The following IRAK4 variants were observed in gnomAD, a reference collection of about 807,000 sequenced individuals.
The protein encoded by IRAK4 is interleukin-1 receptor-associated kinase 4.
Under a neutral mutation model 51.8 loss-of-function variants are expected in IRAK4, and 44 were observed. The ratio of observed to expected loss-of-function variants is 0.85; its 90% CI spans 0.67 to 1.09. The LOEUF (loss-of-function observed/expected upper bound fraction) is 1.09, where lower values mean the gene tolerates loss of function less well. Among genes scored for constraint, IRAK4 ranks in the 50% least tolerant of loss-of-function variants. The pLI, the probability that IRAK4 is intolerant of heterozygous loss-of-function variation, is 0.00. For synonymous variants in IRAK4, 149 were observed against 174.1 expected (o/e 0.86, Z 1.13); for missense variants, 487 against 538.0 (o/e 0.91, Z 0.94).
rs533397571 is a variant in IRAK4 at position 43,773,584 on chromosome 12, T to C, written c.652-381T>C. ...CCTAAAAATATCAATAGAATGCATA[T>C]GTATGTGATAAAGATAGTCACTCTT... On this transcript the variant is annotated intron_variant, in intron 5 of 11. Transcript: ENST00000613694. Among the ~76,000 whole-genome samples the C allele has an allele frequency of 5.3e-5, 8 of 152,332 alleles. No individual in the cohort carries two copies. In the East Asian group the frequency reaches 1.5e-3, roughly 29 times the overall value.
intron 8 of IRAK4, among the ~76,000 whole-genome samples, chr12:43,782,054 TTCC>T (rs1565683234): frequency 7.4e-6 from 1 of 134,616 alleles, no homozygotes; most frequent in Non-Finnish European, 1.7e-5. Context: ...CCTAAATGTT[TTCC>T]TCAAGAAACA....
intron 8 of IRAK4, 112 bp from the exon 9 acceptor site, chr12:43,782,195 T>C: frequency 2.8e-6 from 2 of 719,324 alleles, no homozygotes; most frequent in Admixed American, 2.1e-5. Context: ...TACATATGCA[T>C]GTATGCATAT....
Position 43,787,009 on chromosome 12 carries a change from C to G in IRAK4, c.*294C>G. The G allele has an allele frequency of 2.4e-6, 1 of 416,264 alleles. No individual in the cohort carries two copies. Among genetic ancestry groups the G allele is most frequent in the Non-Finnish European group, 4.3e-6 (1 of 231,788 alleles). 25.8% of individuals were successfully genotyped at this position (416,264 alleles called of 1,614,324 possible). On this transcript the variant is annotated 3_prime_UTR_variant, in exon 12 of 12. Transcript: ENST00000613694. ...ACAGGGTTAGCAAAAAGAGCCTGGG[C>G]TGTATGTAGGGTGGAAACACTCTGA...
In IRAK4 at chr12:43,768,244, G is replaced by C; in HGVS notation, c.133G>C (p.Asp45His). 6.2e-7 allele frequency: 1 copy of C among 1,612,370 alleles called. No individual in the cohort carries two copies. Among genetic ancestry groups the C allele is most frequent in the East Asian group, 2.2e-5 (1 of 44,820 alleles). Residue 45 changes from aspartate to histidine, a missense_variant, in exon 2 of 12, where the codon GAT (aspartate) becomes CAT (histidine). Physicochemically the swap from Asp to His is moderately conservative, Grantham distance 81. Transcript: ENST00000613694. ...LAVAIKKPSGDDRYNQFHIRR... is the reference protein window; with the variant it reads ...LAVAIKKPSGHDRYNQFHIRR... ...TGTAGCTATTAAAAAACCATCTGGT[G>C]ATGATAGATACAATCAGTTTCACAT...
intron 8 of IRAK4, among the ~76,000 whole-genome samples, chr12:43,781,086 CT>C (rs751901149): frequency 2.0e-5 from 3 of 152,284 alleles, no homozygotes; most frequent in Non-Finnish European, 4.4e-5. Flanking sequence ...CCCACATTTC[CT>C]TTCTGATCCA....
In IRAK4 at chr12:43,788,903, A is replaced by G. The variant is rs1141168; in HGVS notation, c.*2188A>G. The G allele has an allele frequency of 0.43, 65,118 of 151,854 alleles. 14,416 individuals carry two copies. Among genetic ancestry groups the G allele is most frequent in the South Asian group, 0.52 (2,495 of 4,822 alleles). 9.4% of individuals were successfully genotyped at this position (151,854 alleles called of 1,614,324 possible). ...CCAATTTCTCCCTTTTGGGACAAGA[A>G]TGTTTTACTTATTGCCTGTACCACC... On this transcript the variant is annotated 3_prime_UTR_variant, in exon 12 of 12. Coordinates refer to ENST00000613694, the MANE Select transcript of IRAK4 (RefSeq NM_016123.4).
chr12:43,786,103 G>A (rs976027538), intron 10 of IRAK4, among the ~76,000 whole-genome samples: 9 of 149,116 alleles, frequency 6.0e-5, no homozygotes, highest in African/African-American at 2.0e-4. Flanking sequence ...GCGTGATCTC[G>A]GCTCAGTGCA....
chr12:43,777,791 G>A (rs771719088), intron 7 of IRAK4, 47 bp downstream of exon 7: 1 of 1,391,020 alleles, frequency 7.2e-7, no homozygotes, highest in South Asian at 1.2e-5. Context: ...TTTATATGCT[G>A]GAATATTAAT....
Position 43,782,347 on chromosome 12 carries a change from T to C in IRAK4, c.982T>C (p.Ser328Pro). 1.9e-6 allele frequency: 3 copies of C among 1,613,846 alleles called. No homozygotes were observed. The South Asian group carries it at 3.3e-5, about 18-fold the overall frequency. The stretch of plus-strand genomic sequence containing the variant: ...GGATGAAGCTTTTACTGCTAAAATA[T>C]CTGACTTTGGCCTTGCACGGGCTTC... The part of the protein sequence containing the change: ...LLDEAFTAKI[S>P]DFGLARASEK... The change falls in exon 9 of 12, where the codon TCT becomes CCT. Residue 328 changes from serine to proline, a missense_variant. By Grantham distance (74) the Ser-to-Pro change is moderately conservative. Coordinates refer to ENST00000613694, the MANE Select transcript of IRAK4 (RefSeq NM_016123.4).
Position 43,786,536 on chromosome 12 carries a change from T to C in IRAK4, c.1326T>C (p.Asn442=), listed in dbSNP as rs1419507344. 1 of 1,613,536 alleles carries C rather than the reference T, an allele frequency of 6.2e-7. No homozygotes were observed. ...VASQCLHEKK[N]KRPDIKKVQQ... ...GTCAATGTCTGCATGAAAAGAAAAATAAGAGACCAGACATTAAGAAGGTAT... is the reference window on the plus strand; with the variant it reads ...GTCAATGTCTGCATGAAAAGAAAAACAAGAGACCAGACATTAAGAAGGTAT... Residue 442 remains asparagine, a synonymous_variant, in exon 11 of 12, where the codon AAT becomes AAC. Coordinates refer to ENST00000613694, the MANE Select transcript of IRAK4 (RefSeq NM_016123.4).
intron 6 of IRAK4, among the ~76,000 whole-genome samples, chr12:43,775,783 C>T (rs1941204853): frequency 6.6e-6 from 1 of 151,122 alleles, no homozygotes; most frequent in Admixed American, 6.6e-5. Context: ...TTTCTAAATA[C>T]ACATTCAAAT....
chr12:43,771,626 C>A (rs1325016369), intron 3 of IRAK4, among the ~76,000 whole-genome samples: 2 of 152,208 alleles, frequency 1.3e-5, no homozygotes, highest in Non-Finnish European at 2.9e-5. Context: ...AGACTTCATA[C>A]TTCTGGCTTA....
rs1051867807 is a variant in IRAK4, at chr12:43,788,955, A to G, written c.*2240A>G. The G allele has an allele frequency of 2.6e-5, 4 of 152,158 alleles. No individual in the cohort carries two copies. The highest frequency in any genetic ancestry group is 1.5e-5 in the Non-Finnish European group (1 of 68,032). 9.4% of individuals were successfully genotyped at this position (152,158 alleles called of 1,614,324 possible). ...ACTGTATCTTGGAAATAAATAACTT[A>G]TATTTTATTTCAGAGGCTCATAGGC... On this transcript the variant is annotated 3_prime_UTR_variant, in exon 12 of 12. Transcript: ENST00000613694.
chr12:43,768,065 G>A, intron 1 of IRAK4, 38 bp from the exon 2 acceptor site: 1 of 1,494,680 alleles, frequency 6.7e-7, no homozygotes, highest in Non-Finnish European at 9.3e-7. Context: ...ATCTCTAAAA[G>A]TACTGTAAAA....
intron 2 of IRAK4, among the ~76,000 whole-genome samples, chr12:43,770,256 A>C (rs1348340749): frequency 2.0e-5 from 3 of 152,232 alleles, no homozygotes. Context: ...AGTTAAGATC[A>C]AAGGAATAAT....
At chr12:43,781,878 A>G (rs566735995) in intron 8 of IRAK4, among the ~76,000 whole-genome samples, 10 of 152,332 alleles carry the variant, frequency 6.6e-5, no homozygotes, top group African/African-American at 2.2e-4. Context: ...CATAATTGAG[A>G]TACTTTGGTT....
rs554633452 is a variant in IRAK4, at chr12:43,766,985, A to C, written c.-9-1118A>C. On this transcript the variant is annotated intron_variant, in intron 1 of 11. Transcript: ENST00000613694. ...TAGACCTATTTAGATGTGGTCAAAG[A>C]AGTCCAAAGAGAAGAAGTGAATACT... 1.6e-4 allele frequency among the ~76,000 whole-genome samples: 25 copies of C among 152,332 alleles called. No individual in the cohort carries two copies. The East Asian group carries it at 4.4e-3, about 27-fold the overall frequency.
At chr12:43,772,112 C>G in intron 3 of IRAK4, 68 bp from the exon 4 acceptor site, 1 of 1,238,222 alleles carries the variant, frequency 8.1e-7, no homozygotes. Context: ...AACCAAGTTT[C>G]TAGTTTAACT....
chr12:43,772,480 C>T (rs1940869712), intron 4 of IRAK4, 118 bp downstream of exon 4: 1 of 873,718 alleles, frequency 1.1e-6, no homozygotes, highest in South Asian at 1.4e-5. Context: ...GGCAATAGCT[C>T]TTTTGTGAGT....
Sources: gnomAD v4.1 joint callset for allele counts (sites outside exome capture counted in the v4.1 genomes callset) on GRCh38, gnomAD v4.1.1 for gene constraint, MANE v1.5 for transcripts, NCBI Gene and HGNC (gene_info 2026-07-23, HGNC 2026-07-21) for gene names.